Variants in KIF16B observed in about 807,000 individuals in gnomAD.
KIF16B encodes kinesin-like protein KIF16B.
In KIF16B, 98 loss-of-function variants were observed where a neutral mutation model predicts 156.3. The ratio of observed to expected loss-of-function variants is 0.63; its 90% CI spans 0.53 to 0.74. The LOEUF (loss-of-function observed/expected upper bound fraction) is 0.74, where lower values mean the gene tolerates loss of function less well. Ranked by LOEUF, KIF16B falls within the 30% of genes least tolerant of loss-of-function variation. The probability of loss-of-function intolerance (pLI) is 0.00; values close to 1 mark genes in which losing one functional copy is unlikely to be tolerated. For synonymous variants in KIF16B, 564 were observed against 583.7 expected, an observed-to-expected ratio of 0.97 and a Z score of 0.49; for missense variants, 1,421 against 1,606.5, an observed-to-expected ratio of 0.88 and a Z score of 1.97.
intron 17 of KIF16B, among the ~76,000 whole-genome samples, chr20:16,403,035 A>C (rs754720768): frequency 1.2e-4 from 19 of 152,342 alleles, no homozygotes; most frequent in Non-Finnish European, 2.1e-4. Flanking sequence ...GGAAAGGCTG[A>C]GTGAAGATAG....
chr20:16,561,417 C>T (rs969487248), intron 1 of KIF16B, among the ~76,000 whole-genome samples: 3 of 151,948 alleles, frequency 2.0e-5, no homozygotes, highest in African/African-American at 4.8e-5. Context: ...ACATAAGCGC[C>T]CTTCATTTCA....
intron 15 of KIF16B, among the ~76,000 whole-genome samples, chr20:16,411,916 G>A (rs2065965447): frequency 6.8e-6 from 1 of 146,072 alleles, no homozygotes; most frequent in Non-Finnish European, 1.5e-5. Flanking sequence ...GATTTCTGAT[G>A]AGGAATGTTC....
chr20:16,296,985 G>T (rs6080212), intron 25 of KIF16B, among the ~76,000 whole-genome samples: 3 of 152,114 alleles, frequency 2.0e-5, no homozygotes, highest in Non-Finnish European at 2.9e-5. Context: ...CTGTCTTACC[G>T]CCTGAAGCTG....
intron 3 of KIF16B, among the ~76,000 whole-genome samples, chr20:16,518,290 C>G (rs985433626): frequency 6.6e-6 from 1 of 152,206 alleles, no homozygotes; most frequent in Non-Finnish European, 1.5e-5. Flanking sequence ...ATGCACCGAG[C>G]ATCGCCCCCA....
intron 10 of KIF16B, among the ~76,000 whole-genome samples, chr20:16,502,512 TAG>T (rs2068655405): frequency 1.3e-5 from 2 of 152,180 alleles, no homozygotes; most frequent in African/African-American, 4.8e-5. Flanking sequence ...CGTTCTGAAA[TAG>T]ACTTAACTGT....
intron 1 of KIF16B, among the ~76,000 whole-genome samples, chr20:16,533,562 T>C (rs954312711): frequency 6.6e-6 from 1 of 152,216 alleles, no homozygotes; most frequent in Non-Finnish European, 1.5e-5. Flanking sequence ...TAAATTTTAT[T>C]TTTAAAATCA....
intron 2 of KIF16B, among the ~76,000 whole-genome samples, chr20:16,526,950 C>T (rs2069567980): frequency 6.6e-6 from 1 of 152,200 alleles, no homozygotes; most frequent in African/African-American, 2.4e-5. Flanking sequence ...GTTACTCAAA[C>T]ATCAGATGAT....
chr20:16,563,812 T>A (rs985335383), intron 1 of KIF16B, among the ~76,000 whole-genome samples: 9 of 152,218 alleles, frequency 5.9e-5, no homozygotes, highest in African/African-American at 1.9e-4. Flanking sequence ...CTTGTATAAG[T>A]GTATTTTGCA....
chr20:16,552,809 T>G (rs972223710), intron 1 of KIF16B, among the ~76,000 whole-genome samples: 3 of 152,216 alleles, frequency 2.0e-5, no homozygotes, highest in Non-Finnish European at 2.9e-5. Context: ...TTTATTATTT[T>G]TTTTTAAGAC....
intron 25 of KIF16B, among the ~76,000 whole-genome samples, chr20:16,289,533 T>C (rs774389412): frequency 6.6e-6 from 1 of 152,290 alleles, no homozygotes. Context: ...TCATATTAGA[T>C]AGATACTGGC....
intron 17 of KIF16B, among the ~76,000 whole-genome samples, chr20:16,389,639 T>C (rs997566801): frequency 1.5e-4 from 23 of 152,176 alleles, no homozygotes; most frequent in Non-Finnish European, 2.9e-4. Context: ...GACTAGGGGA[T>C]CTTAAAGACT....
intron 12 of KIF16B, among the ~76,000 whole-genome samples, chr20:16,451,870 C>T (rs756709827): frequency 1.9e-4 from 29 of 152,126 alleles, no homozygotes; most frequent in Non-Finnish European, 4.0e-4. Flanking sequence ...TATGTAGAAT[C>T]TATCCAGACT....
intron 4 of KIF16B, among the ~76,000 whole-genome samples, chr20:16,513,736 G>A (rs541624792): frequency 3.5e-4 from 52 of 149,332 alleles, no homozygotes; most frequent in African/African-American, 1.2e-3. Flanking sequence ...GGCCTTCCTC[G>A]ATGGAAAATT....
chr20:16,383,244 A>T (rs2065148024), intron 17 of KIF16B, among the ~76,000 whole-genome samples: 1 of 152,164 alleles, frequency 6.6e-6, no homozygotes, highest in African/African-American at 2.4e-5. Context: ...AAAGGTGGCA[A>T]ACAGTATCTC....
chr20:16,561,634 G>A (rs1349773029), intron 1 of KIF16B, among the ~76,000 whole-genome samples: 2 of 151,976 alleles, frequency 1.3e-5, no homozygotes, highest in East Asian at 1.9e-4. Flanking sequence ...AAACATTACA[G>A]TGGAGAAACC....
chr20:16,333,395 ATTT>A (rs1287685151), intron 24 of KIF16B, among the ~76,000 whole-genome samples: 1 of 152,126 alleles, frequency 6.6e-6, no homozygotes, highest in Non-Finnish European at 1.5e-5. Context: ...AAATTGCCTT[ATTT>A]ATTTGTTCAC....
At chr20:16,519,548 G>A (rs186484598) in intron 3 of KIF16B, among the ~76,000 whole-genome samples, 86 of 152,270 alleles carry the variant, frequency 5.6e-4, no homozygotes, top group Middle Eastern at 3.4e-3. Context: ...TTTCTCAAAT[G>A]TTAAGGTGCA....
chr20:16,426,947 C>T (rs1300509774), intron 15 of KIF16B, among the ~76,000 whole-genome samples, 157 bp downstream of exon 15: 2 of 152,054 alleles, frequency 1.3e-5, no homozygotes, highest in Admixed American at 1.3e-4. Flanking sequence ...AGCCCTCCAG[C>T]CAAACAGAAG....
chr20:16,503,961 G>C (rs1481047463), intron 10 of KIF16B, among the ~76,000 whole-genome samples: 1 of 152,142 alleles, frequency 6.6e-6, no homozygotes, highest in Non-Finnish European at 1.5e-5. Flanking sequence ...TATGACACAG[G>C]CATTCAGAAA....
Sources: allele counts gnomAD v4.1 joint callset (sites outside exome capture counted in the v4.1 genomes callset), GRCh38; gene constraint gnomAD v4.1.1; transcripts MANE v1.5; gene names NCBI Gene and HGNC (gene_info 2026-07-23, HGNC 2026-07-21).